F13A1: variants seen among roughly 807,000 people sequenced by gnomAD.
F13A1 encodes the protein coagulation factor XIII A chain.
Under a neutral mutation model 80.1 loss-of-function variants are expected in F13A1, and 47 were observed. The ratio of observed to expected loss-of-function variants is 0.59; its 90% CI spans 0.46 to 0.75. F13A1 has a LOEUF of 0.75. Ranked by LOEUF, F13A1 falls within the 30% of genes least tolerant of loss-of-function variation. F13A1 has a pLI of 0.00. For synonymous variants in F13A1, 349 were observed against 344.9 expected, an observed-to-expected ratio of 1.01 and a Z score of -0.13; for missense variants, 817 against 930.4, an observed-to-expected ratio of 0.88 and a Z score of 1.59.
chr6:6,284,057 A>G lies in F13A1; in HGVS notation c.320-17248T>C, dbSNP rs749802496. 1.1e-4 allele frequency among the ~76,000 whole-genome samples: 16 copies of G among 152,372 alleles called. No individual in the cohort carries two copies. In the East Asian group the frequency reaches 2.9e-3, roughly 28 times the overall value. On this transcript the variant is annotated intron_variant, in intron 3 of 14. Transcript: ENST00000264870. ...TACCAACCCATATAAATCTAAGGGA[A>G]AAGAGGCAGAGAGCAAAAAGAGATT...
intron 2 of F13A1, among the ~76,000 whole-genome samples, chr6:6,310,228 T>C (rs992050209): frequency 6.6e-6 from 1 of 152,216 alleles, no homozygotes; most frequent in East Asian, 1.9e-4. Flanking sequence ...CAGGATTCTT[T>C]ACTGAAGCAT....
At chr6:6,152,035 G>A (rs889008146) in intron 13 of F13A1, 86 bp from the exon 14 acceptor site, 25 of 1,525,954 alleles carry the variant, frequency 1.6e-5, no homozygotes, top group Non-Finnish European at 2.1e-5. Context: ...TTTTACTAGA[G>A]TTTTATGATA....
chr6:6,255,036 C>G (rs1349273188), intron 4 of F13A1, among the ~76,000 whole-genome samples: 1 of 152,084 alleles, frequency 6.6e-6, no homozygotes, highest in Non-Finnish European at 1.5e-5. Context: ...CAGAGTCCTT[C>G]AACACAACTT....
chr6:6,151,631 T>A (rs1347884099), intron 14 of F13A1, among the ~76,000 whole-genome samples, 182 bp downstream of exon 14: 1 of 152,182 alleles, frequency 6.6e-6, no homozygotes, highest in African/African-American at 2.4e-5. Flanking sequence ...GATTAAATGA[T>A]GAAAGTGCTG....
At chr6:6,283,920 C>T (rs1048024812) in intron 3 of F13A1, among the ~76,000 whole-genome samples, 3 of 152,160 alleles carry the variant, frequency 2.0e-5, no homozygotes, top group African/African-American at 7.2e-5. Context: ...GTGAGGTGTT[C>T]CACCCATTGC....
chr6:6,299,681 G>C (rs1157021715), intron 3 of F13A1, among the ~76,000 whole-genome samples: 5 of 140,702 alleles, frequency 3.6e-5, no homozygotes, highest in African/African-American at 1.2e-4. Context: ...CAACTTCTTT[G>C]CCTTTGGTTT....
At position 6,224,700 on chromosome 6, in the gene F13A1, C is replaced by T; in HGVS notation, c.959G>A (p.Gly320Asp). The T allele has an allele frequency of 6.2e-7, 1 of 1,613,998 alleles. No individual in the cohort carries two copies. Among genetic ancestry groups the T allele is most frequent in the African/African-American group, 1.3e-5 (1 of 75,028 alleles). Residue 320 changes from glycine (G) to aspartate (D), a missense_variant, in exon 7 of 15, where the codon GGT becomes GAT. Transcript: ENST00000264870. ...TGGATACTTACATGTGTTAAAGACA[C>T]CAGCAAAAACCCAGCATTGGCCATA... ...VRYGQCWVFA[G>D]VFNTFLRCLG...
At chr6:6,310,936 A>G (rs1457703073) in intron 2 of F13A1, among the ~76,000 whole-genome samples, 1 of 152,138 alleles carries the variant, frequency 6.6e-6, no homozygotes, top group East Asian at 1.9e-4. Flanking sequence ...CCAGGGAAGC[A>G]TGCCATTTTA....
At chr6:6,300,060 T>C (rs4548049) in intron 3 of F13A1, among the ~76,000 whole-genome samples, 49,937 of 144,600 alleles carry the variant, frequency 0.35, 13,561 homozygotes, top group African/African-American at 0.73. Flanking sequence ...TTAGGCTGCT[T>C]GGGGGTCAGG....
intron 8 of F13A1, among the ~76,000 whole-genome samples, chr6:6,198,691 C>G (rs1246013955): frequency 6.6e-6 from 1 of 152,180 alleles, no homozygotes; most frequent in Admixed American, 6.5e-5. Context: ...AATGACAAAC[C>G]TGTAAACCAA....
chr6:6,224,867 G>A lies in F13A1; in HGVS notation c.799-7C>T. ...CGTCATCTTTGGCATTCACCTAAAT[G>A]AGTCCGTGAGAAGTGAGAAGGAAGA... On this transcript the variant is annotated splice_polypyrimidine_tract_variant and splice_region_variant and intron_variant, in intron 6 of 14. Transcript: ENST00000264870. The A allele has an allele frequency of 6.2e-7, 1 of 1,613,986 alleles. No individual in the cohort carries two copies. Among genetic ancestry groups the A allele is most frequent in the Non-Finnish European group, 8.5e-7 (1 of 1,179,872 alleles).
chr6:6,192,697 G>A (rs959809865), intron 10 of F13A1, among the ~76,000 whole-genome samples: 1 of 152,188 alleles, frequency 6.6e-6, no homozygotes, highest in Non-Finnish European at 1.5e-5. Flanking sequence ...CACAGCAGAG[G>A]AGGGCTTAGC....
intron 8 of F13A1, among the ~76,000 whole-genome samples, chr6:6,204,352 TGGA>T (rs952176547): frequency 6.6e-6 from 1 of 152,228 alleles, no homozygotes; most frequent in Admixed American, 6.5e-5. Context: ...GAGAAAGCCC[TGGA>T]GGAGATGTCT....
At chr6:6,251,379 C>T (rs574874478) in intron 4 of F13A1, among the ~76,000 whole-genome samples, 212 of 147,412 alleles carry the variant, frequency 1.4e-3, no homozygotes, top group African/African-American at 5.2e-3. Flanking sequence ...AGAAGGCCCA[C>T]GTGTCATGTC....
chr6:6,165,286 G>T (rs1386671618), intron 13 of F13A1, among the ~76,000 whole-genome samples: 1 of 152,216 alleles, frequency 6.6e-6, no homozygotes, highest in African/African-American at 2.4e-5. Context: ...TAACTTGTGG[G>T]ATAAGGTATT....
In F13A1 at chr6:6,216,882, C is replaced by T. The variant is rs1213030316; in HGVS notation, c.1112+5151G>A. 2.2e-4 allele frequency among the ~76,000 whole-genome samples: 33 copies of T among 149,904 alleles called. 1 individual carries two copies. The highest frequency in any genetic ancestry group is 2.2e-3 in the Admixed American group (33 of 15,104). On this transcript the variant is annotated intron_variant, in intron 8 of 14. Transcript: ENST00000264870. ...AGTGGGCAAAGGACATGAACAGGCA[C>T]TTCTCAAAAGAAGACATTTATGCAG...
intron 3 of F13A1, among the ~76,000 whole-genome samples, chr6:6,301,551 G>C (rs997565755): frequency 3.3e-5 from 5 of 152,066 alleles, no homozygotes; most frequent in Non-Finnish European, 5.9e-5. Context: ...AATACATGTT[G>C]GTTTAAAAAT....
At chr6:6,217,575 G>A (rs1201343998) in intron 8 of F13A1, among the ~76,000 whole-genome samples, 1 of 151,814 alleles carries the variant, frequency 6.6e-6, no homozygotes, top group Admixed American at 6.6e-5. Flanking sequence ...TATACCTAAT[G>A]CTGGATGACG....
chr6:6,197,813 T>C (rs1368195554), intron 8 of F13A1, among the ~76,000 whole-genome samples: 1 of 152,178 alleles, frequency 6.6e-6, no homozygotes, highest in Non-Finnish European at 1.5e-5. Flanking sequence ...TTCATTCTCA[T>C]TGGCATCCCT....
Sources: gnomAD v4.1 joint callset for allele counts (sites outside exome capture counted in the v4.1 genomes callset) on GRCh38, gnomAD v4.1.1 for gene constraint, MANE v1.5 for transcripts, NCBI Gene and HGNC (gene_info 2026-07-23, HGNC 2026-07-21) for gene names.